NOL4L: variants seen among roughly 807,000 people sequenced by gnomAD.
The protein encoded by NOL4L is nucleolar protein 4-like.
A neutral mutation model predicts 64.5 loss-of-function variants in NOL4L; 7 were observed. That is an observed-to-expected ratio of 0.11 (90% CI 0.06 to 0.20). NOL4L has a LOEUF of 0.20. Among genes scored for constraint, NOL4L ranks in the 10% least tolerant of loss-of-function variants. The pLI, the probability that NOL4L is intolerant of heterozygous loss-of-function variation, is 1.00. For missense variants in NOL4L, 680 were observed against 967.1 expected (o/e 0.70, Z 3.94); for synonymous variants, 413 against 401.0 (o/e 1.03, Z -0.36).
At chr20:32,468,781 C>T (rs1356586768) in intron 5 of NOL4L, among the ~76,000 whole-genome samples, 2 of 151,892 alleles carry the variant, frequency 1.3e-5, no homozygotes, top group African/African-American at 4.8e-5. Context: ...CGCCTGTAAT[C>T]CCAGCTACTC....
intron 4 of NOL4L, among the ~76,000 whole-genome samples, chr20:32,482,478 C>A (rs1472417538): frequency 6.6e-6 from 1 of 152,134 alleles, no homozygotes; most frequent in Non-Finnish European, 1.5e-5. Flanking sequence ...AATAAAAATG[C>A]GGATTGCACT....
chr20:32,495,569 T>A (rs1474880111), intron 4 of NOL4L, among the ~76,000 whole-genome samples: 1 of 152,032 alleles, frequency 6.6e-6, no homozygotes, highest in African/African-American at 2.4e-5. Context: ...CAGAAGACAG[T>A]CCCTTGAAGA....
intron 5 of NOL4L, among the ~76,000 whole-genome samples, chr20:32,462,499 G>A (rs1396141924): frequency 1.3e-5 from 2 of 152,116 alleles, no homozygotes; most frequent in Non-Finnish European, 2.9e-5. Context: ...ACCCCTCACT[G>A]CACCTGGCCA....
chr20:32,456,913 C>T (rs2013592781), intron 5 of NOL4L, among the ~76,000 whole-genome samples: 1 of 152,266 alleles, frequency 6.6e-6, no homozygotes, highest in African/African-American at 2.4e-5. Context: ...AAGGATGGCT[C>T]TACTGTGACC....
At chr20:32,583,867 G>C (rs1978625521) in intron 1 of NOL4L, among the ~76,000 whole-genome samples, 1 of 122,554 alleles carries the variant, frequency 8.2e-6, no homozygotes, top group African/African-American at 3.1e-5. Context: ...GGAGGGGATG[G>C]ATAGGTCAGG....
Position 32,551,698 on chromosome 20 carries a change from G to C in NOL4L, c.322-23785C>G, listed in dbSNP as rs1307274043. On this transcript the variant is annotated intron_variant, in intron 1 of 10. Transcript: ENST00000621426. The stretch of plus-strand genomic sequence containing the variant: ...GAAATGAGGAGTGAGGGGTATGGGG[G>C]GTTTCTGGGGATGACGCAAATGTTC... 3.3e-5 allele frequency among the ~76,000 whole-genome samples: 5 copies of C among 152,092 alleles called. No individual in the cohort carries two copies. In the East Asian group the frequency reaches 9.7e-4, roughly 29 times the overall value.
chr20:32,528,615 G>T (rs1003310740), intron 1 of NOL4L, among the ~76,000 whole-genome samples: 5 of 152,148 alleles, frequency 3.3e-5, no homozygotes, highest in Non-Finnish European at 4.4e-5. Context: ...CCAGGAGCAA[G>T]ACGGGTCCTT....
intron 4 of NOL4L, among the ~76,000 whole-genome samples, chr20:32,505,598 T>C (rs1301229997): frequency 6.6e-6 from 1 of 152,184 alleles, no homozygotes; most frequent in Admixed American, 6.5e-5. Context: ...TGCTCACCTG[T>C]GGTCTCAGAT....
chr20:32,470,423 G>T (rs2145473612), intron 5 of NOL4L, among the ~76,000 whole-genome samples: 1 of 152,376 alleles, frequency 6.6e-6, no homozygotes, highest in South Asian at 2.1e-4. Flanking sequence ...CCCAGCACCT[G>T]CGTGGTGCCA....
chr20:32,456,179 T>C lies in NOL4L; in HGVS notation c.1058A>G (p.Asp353Gly). 1 of 1,598,780 alleles carries C rather than the reference T, an allele frequency of 6.3e-7. No homozygotes were observed. Among genetic ancestry groups the C allele is most frequent in the Non-Finnish European group, 8.5e-7 (1 of 1,172,316 alleles). The change falls in exon 6 of 11, where the codon GAT becomes GGT. Residue 353 changes from aspartate (D) to glycine (G), a missense_variant. Coordinates refer to ENST00000621426, the MANE Select transcript of NOL4L (RefSeq NM_001256798.2). ...TALGTASYPS[D>G]GCGADGLRSR... ...CCGCAGCCCGTCGGCACCGCAGCCA[T>C]CCGAGGGGTAGGAGGCTGTGCCAAG...
Position 32,446,927 on chromosome 20 carries a change from G to C in NOL4L, c.*669C>G. 1 of 271,134 alleles carries C rather than the reference G, an allele frequency of 3.7e-6. No individual in the cohort carries two copies. The highest frequency in any genetic ancestry group is 7.2e-6 in the Non-Finnish European group (1 of 138,688). The allele number at this position is 271,134 out of a possible 1,614,324, so 16.8% of individuals were successfully genotyped here. A position where few individuals can be genotyped will look rare whatever the true frequency, so the allele number is the denominator to read the frequency against. On this transcript the variant is annotated 3_prime_UTR_variant, in exon 11 of 11. Coordinates refer to ENST00000621426, the MANE Select transcript of NOL4L (RefSeq NM_001256798.2). ...GCGTTGCCTAGGGAGGTGCCTGGTG[G>C]TGTCCCTGTGGCAGCACTGGGATCT...
rs117342361 is a variant in NOL4L, at chr20:32,507,065, G to A, written c.699+4282C>T. ...TGAGCCCTGAGCCTCTCTGGGCCTC[G>A]GCTTCCTCTGGGTGGGAGAAGGAGC... On this transcript the variant is annotated intron_variant, in intron 4 of 10. Transcript: ENST00000621426. 4.3e-4 allele frequency among the ~76,000 whole-genome samples: 65 copies of A among 152,266 alleles called. No homozygotes were observed. The East Asian group carries it at 0.011, about 27-fold the overall frequency.
At chr20:32,480,170 C>T (rs2067581312) in intron 4 of NOL4L, among the ~76,000 whole-genome samples, 1 of 152,222 alleles carries the variant, frequency 6.6e-6, no homozygotes. Context: ...GAGCCATTTG[C>T]ATCCTCCAGG....
intron 2 of NOL4L, among the ~76,000 whole-genome samples, chr20:32,522,901 G>A (rs185749107): frequency 1.2e-4 from 19 of 152,298 alleles, no homozygotes; most frequent in Admixed American, 1.2e-3. Flanking sequence ...TACCATGAGG[G>A]CAGCCCTACT....
chr20:32,583,881 C>T (rs1980686737), intron 1 of NOL4L, among the ~76,000 whole-genome samples: 1 of 914 alleles, frequency 1.1e-3, no homozygotes, highest in African/African-American at 5.7e-3. Flanking sequence ...GGTCAGGCCT[C>T]CCCCGTCCCA....
At chr20:32,552,298 G>C (rs192741438) in intron 1 of NOL4L, among the ~76,000 whole-genome samples, 1 of 152,104 alleles carries the variant, frequency 6.6e-6, no homozygotes, top group Non-Finnish European at 1.5e-5. Context: ...GATTTCGCCC[G>C]GGGAGAGGAA....
Position 32,485,058 on chromosome 20 carries a change from C to CAAAAAAAAAAA in NOL4L, c.700-10327_700-10317dup, listed in dbSNP as rs57444583. ...TCGTGGAATTCTGTGGGGAAATTGC[C>CAAAAAAAAAAA]AAAAAAAAAAAAAAAAAAAAAAAAA... is the stretch of plus-strand genomic sequence containing the variant. On this transcript the variant is annotated intron_variant, in intron 4 of 10. Transcript: ENST00000621426. Among the ~76,000 whole-genome samples the CAAAAAAAAAAA allele has an allele frequency of 3.0e-3, 54 of 17,810 alleles. 1 individual carries two copies. Among genetic ancestry groups the CAAAAAAAAAAA allele is most frequent in the Admixed American group, 4.6e-3 (6 of 1,310 alleles). 11.7% of individuals were successfully genotyped at this position (17,810 alleles called of 152,430 possible). A position where few individuals can be genotyped will look rare whatever the true frequency, so the allele number is the denominator to read the frequency against.
chr20:32,507,879 C>T (rs867864582), intron 4 of NOL4L, among the ~76,000 whole-genome samples: 18 of 152,092 alleles, frequency 1.2e-4, no homozygotes, highest in African/African-American at 3.9e-4. Flanking sequence ...GGCCTAGTGG[C>T]GGCCTCCTGT....
At chr20:32,509,200 G>A (rs1228492040) in intron 4 of NOL4L, among the ~76,000 whole-genome samples, 3 of 152,108 alleles carry the variant, frequency 2.0e-5, no homozygotes, top group African/African-American at 4.8e-5. Context: ...GCATTTGTGT[G>A]GGATCCTCTG....
Sources: allele counts gnomAD v4.1 joint callset (sites outside exome capture counted in the v4.1 genomes callset), GRCh38; gene constraint gnomAD v4.1.1; transcripts MANE v1.5; gene names NCBI Gene and HGNC (gene_info 2026-07-23, HGNC 2026-07-21).